The following IKBKB variants were observed in gnomAD, a reference collection of about 807,000 sequenced individuals.
IKBKB encodes inhibitor of nuclear factor kappa-B kinase subunit beta.
Under a neutral mutation model 113.6 loss-of-function variants are expected in IKBKB, and 42 were observed. That is an observed-to-expected ratio of 0.37 (90% CI 0.29 to 0.48). IKBKB has a LOEUF of 0.48. Among genes scored for constraint, IKBKB ranks in the 20% least tolerant of loss-of-function variants. The probability of loss-of-function intolerance (pLI) is 0.99; values close to 1 mark genes in which losing one functional copy is unlikely to be tolerated. For synonymous variants in IKBKB, 296 were observed against 361.3 expected (o/e 0.82, Z 2.05); for missense variants, 673 against 939.7 (o/e 0.72, Z 3.71).
intron 15 of IKBKB, chr8:42,320,338 A>C (rs982540867): frequency 3.9e-5 from 7 of 181,756 alleles, no homozygotes; most frequent in Non-Finnish European, 1.2e-5. Context: ...GAAATAAAAC[A>C]GTCTGGGCCT....
intron 9 of IKBKB, among the ~76,000 whole-genome samples, chr8:42,315,202 G>T (rs569649758): frequency 1.1e-4 from 16 of 152,266 alleles, no homozygotes; most frequent in Admixed American, 4.6e-4. Flanking sequence ...TTGTATAATT[G>T]TACAGAATTG....
chr8:42,331,033 G>T lies in IKBKB; in HGVS notation c.*54G>T, dbSNP rs1020370409. The T allele has an allele frequency of 6.9e-6, 11 of 1,597,016 alleles. No individual in the cohort carries two copies. The African/African-American group carries it at 1.5e-4, about 21-fold the overall frequency. Reference sequence around the variant, plus strand: ...GGCAGCCCATAGCAGGCCTTGTGCAGTGGGGGGACTCGACCCCCTGACATG... The same window carrying T: ...GGCAGCCCATAGCAGGCCTTGTGCATTGGGGGGACTCGACCCCCTGACATG... On this transcript the variant is annotated 3_prime_UTR_variant, in exon 22 of 22. Transcript: ENST00000520810.
chr8:42,326,411 A>G (rs907835788), intron 20 of IKBKB: 1 of 306,598 alleles, frequency 3.3e-6, no homozygotes, highest in Non-Finnish European at 6.2e-6. Context: ...GGAGGCCCTG[A>G]AGCCCTCTGC....
chr8:42,272,388 AT>A, intron 2 of IKBKB, 183 bp downstream of exon 2: 1 of 687,586 alleles, frequency 1.5e-6, no homozygotes, highest in South Asian at 1.7e-5. Context: ...AGTGGTCTCC[AT>A]GCTTTATTGA....
chr8:42,284,895 C>T (rs1233706837), intron 2 of IKBKB, among the ~76,000 whole-genome samples: 2 of 137,362 alleles, frequency 1.5e-5, no homozygotes, highest in Non-Finnish European at 3.1e-5. Context: ...CTCACTCTGT[C>T]ACCCAGGCTG....
chr8:42,278,430 G>A (rs1409610815), intron 2 of IKBKB, among the ~76,000 whole-genome samples: 1 of 152,208 alleles, frequency 6.6e-6, no homozygotes, highest in Non-Finnish European at 1.5e-5. Context: ...GGCCCAAGCA[G>A]TGGGCAGCGT....
Position 42,288,482 on chromosome 8 carries a change from G to GACACC in IKBKB, c.106-152_106-151insACACC. ...AGACAGCCCAAAGGGCAGGTGCTAC[G>GACACC]TGGCTGTCGATCAGGGTGTACATGT... On this transcript the variant is annotated intron_variant, in intron 2 of 21. Coordinates refer to ENST00000520810, the MANE Select transcript of IKBKB (RefSeq NM_001556.3). 7.6e-6 allele frequency: 4 copies of GACACC among 528,418 alleles called. No individual in the cohort carries two copies. In the Admixed American group the frequency reaches 1.2e-4, roughly 16 times the overall value. The allele number at this position is 528,418 out of a possible 1,614,324, so 32.7% of individuals were successfully genotyped here.
In IKBKB at chr8:42,293,488, A is replaced by T; in HGVS notation, c.364A>T (p.Ile122Phe). 1 of 1,614,024 alleles carries T rather than the reference A, an allele frequency of 6.2e-7. No individual in the cohort carries two copies. The highest frequency in any genetic ancestry group is 1.1e-5 in the South Asian group (1 of 91,084). The change falls in exon 5 of 22, where the codon ATC (isoleucine) becomes TTC (phenylalanine). Residue 122 changes from isoleucine (I) to phenylalanine (F), a missense_variant. Around this residue, in one of 2 missense-constraint regions of IKBKB, gnomAD observed 167 missense variants for 301.0 expected, o/e 0.55. Transcript: ENST00000520810. ...ENCCGLREGA[I>F]LTLLSDIASA... ...CTGCTGTGGTCTGCGGGAAGGTGCC[A>T]TCCTCACCTTGCTGAGTGACATTGG...
intron 19 of IKBKB, among the ~76,000 whole-genome samples, chr8:42,323,908 A>G (rs993666774): frequency 2.0e-5 from 3 of 152,248 alleles, no homozygotes; most frequent in African/African-American, 7.2e-5. Flanking sequence ...GTGAGAAGGC[A>G]TGGCACCTGT....
chr8:42,293,653 C>A, intron 5 of IKBKB, 141 bp downstream of exon 5: 1 of 1,453,394 alleles, frequency 6.9e-7, no homozygotes, highest in Non-Finnish European at 9.4e-7. Flanking sequence ...GACGGGGGAC[C>A]CTGGTGGAGT....
intron 19 of IKBKB, 97 bp downstream of exon 19, chr8:42,322,591 G>GCCACCAGCAGC (rs1819975927): frequency 1.6e-6 from 2 of 1,240,124 alleles, no homozygotes; most frequent in African/African-American, 3.0e-5. Context: ...ACACCACAGA[G>GCCACCAGCAGC]CCACCAGCAG....
chr8:42,314,529 GT>G, intron 9 of IKBKB, 100 bp downstream of exon 9: 1 of 798,110 alleles, frequency 1.3e-6, no homozygotes, highest in Non-Finnish European at 2.2e-6. Context: ...AATCCTAACA[GT>G]TTGGGAGGCT....
intron 4 of IKBKB, 41 bp downstream of exon 4, chr8:42,290,314 C>A (rs1812345113): frequency 7.3e-7 from 1 of 1,376,710 alleles, no homozygotes; most frequent in Non-Finnish European, 1.0e-6. Context: ...CCTGTCTGGG[C>A]AGGTGGGACA....
chr8:42,325,194 T>C, intron 19 of IKBKB: 2 of 984,530 alleles, frequency 2.0e-6, no homozygotes, highest in Non-Finnish European at 2.4e-6. Flanking sequence ...GAGGCTCAGG[T>C]AGCTGGAATG....
chr8:42,287,774 AT>A (rs1486535683), intron 2 of IKBKB, among the ~76,000 whole-genome samples: 1 of 152,186 alleles, frequency 6.6e-6, no homozygotes, highest in Non-Finnish European at 1.5e-5. Flanking sequence ...CACAGTTGGA[AT>A]TTGAACCAGC....
chr8:42,316,831 A>T lies in IKBKB; in HGVS notation c.1052A>T (p.Gln351Leu), dbSNP rs1383576017. The change falls in exon 11 of 22, where the codon CAG (glutamine) becomes CTG (leucine). Residue 351 changes from glutamine to leucine, a missense_variant. Gln to Leu is a moderately radical substitution (Grantham distance 113, BLOSUM62 -2). This residue lies in a region of IKBKB where 506 missense variants were observed against 638.7 expected (regional missense o/e 0.79). Transcript: ENST00000520810. This position sits in a 1 kb window ranked among gnomAD's most constrained non-coding sequence, Gnocchi z 4.5. ...GACACGGGCATCCCAGAGGAGGACC[A>T]GGAGCTGCTGCAGGAAGCGGGCCTG... ...QQDTGIPEEDQELLQEAGLAL... is the reference protein window; with the variant it reads ...QQDTGIPEEDLELLQEAGLAL... The T allele has an allele frequency of 6.2e-7, 1 of 1,614,212 alleles. No individual in the cohort carries two copies. The highest frequency in any genetic ancestry group is 1.1e-5 in the South Asian group (1 of 91,082).
intron 19 of IKBKB, chr8:42,325,712 G>A (rs1820607287): frequency 1.6e-6 from 2 of 1,239,526 alleles, no homozygotes; most frequent in African/African-American, 3.1e-5. Context: ...AAATAAAAAA[G>A]CCTGCAAATT....
chr8:42,280,805 G>C (rs117266703), intron 2 of IKBKB, among the ~76,000 whole-genome samples: 262 of 152,274 alleles, frequency 1.7e-3, no homozygotes, highest in Non-Finnish European at 2.6e-3. Flanking sequence ...GAGTATTAAC[G>C]ATCCCTTCTA....
intron 21 of IKBKB, chr8:42,329,759 G>A (rs1168302705): frequency 1.0e-6 from 1 of 985,302 alleles, no homozygotes; most frequent in Non-Finnish European, 1.2e-6. Context: ...TCAGGGCCTT[G>A]GAGCTTAGTG....
Sources: gnomAD v4.1 joint callset for allele counts (sites outside exome capture counted in the v4.1 genomes callset) on GRCh38, gnomAD v4.1.1 for gene constraint, gnomAD v4.1.1 regional missense constraint, Gnocchi (gnomAD v3.1) non-coding constraint, MANE v1.5 for transcripts, NCBI Gene and HGNC (gene_info 2026-07-23, HGNC 2026-07-21) for gene names.